Variants in CHAMP1 observed in about 807,000 individuals in gnomAD.
CHAMP1 encodes chromosome alignment maintaining phosphoprotein 1.
Under a neutral mutation model 54.5 loss-of-function variants are expected in CHAMP1, and 4 were observed. The ratio of observed to expected loss-of-function variants is 0.07; its 90% CI spans 0.04 to 0.17. The LOEUF (loss-of-function observed/expected upper bound fraction) is 0.17. Among genes scored for constraint, CHAMP1 ranks in the 10% least tolerant of loss-of-function variants. The probability of loss-of-function intolerance (pLI) is 1.00; values close to 1 mark genes in which losing one functional copy is unlikely to be tolerated. For synonymous variants in CHAMP1, 368 were observed against 342.2 expected, an observed-to-expected ratio of 1.08 and a Z score of -0.83; for missense variants, 994 against 968.6, an observed-to-expected ratio of 1.03 and a Z score of -0.35.
chr13:114,315,591 C>T (rs2087086915), intron 1 of CHAMP1, among the ~76,000 whole-genome samples: 2 of 152,066 alleles, frequency 1.3e-5, no homozygotes, highest in African/African-American at 4.8e-5. Flanking sequence ...TATAAACGAG[C>T]ACATTGAACA....
chr13:114,315,388 A>G (rs1049455043), intron 1 of CHAMP1, among the ~76,000 whole-genome samples: 27 of 152,286 alleles, frequency 1.8e-4, no homozygotes, highest in African/African-American at 1.4e-4. Flanking sequence ...TTATACCCCC[A>G]AAAATTGACA....
intron 2 of CHAMP1, among the ~76,000 whole-genome samples, chr13:114,321,577 T>C (rs2087172978): frequency 6.6e-6 from 1 of 152,174 alleles, no homozygotes; most frequent in Non-Finnish European, 1.5e-5. Context: ...TGCTCTTTAA[T>C]ATTAGCTTGG....
chr13:114,324,221 A>G lies in CHAMP1; in HGVS notation c.379A>G (p.Ile127Val). The change falls in exon 3 of 3, where the codon ATA becomes GTA. Residue 127 changes from isoleucine to valine, a missense_variant. By Grantham distance (29) the Ile-to-Val change is conservative (BLOSUM62 3). This residue lies in a region of CHAMP1 where 851 missense variants were observed against 701.3 expected (regional missense o/e 1.21). Coordinates refer to ENST00000361283, the MANE Select transcript of CHAMP1 (RefSeq NM_032436.4). ...IPCNSAEPKS[I>V]PALSMETQKL... Reference sequence around the variant, plus strand: ...CTGCAATTCAGCAGAACCAAAATCCATACCTGCCCTTTCAATGGAAACACA... The same window carrying G: ...CTGCAATTCAGCAGAACCAAAATCCGTACCTGCCCTTTCAATGGAAACACA... 3 of 1,614,110 alleles carry G rather than the reference A, an allele frequency of 1.9e-6. No homozygotes were observed. The highest frequency in any genetic ancestry group is 2.5e-6 in the Non-Finnish European group (3 of 1,180,016).
chr13:114,321,265 A>AT (rs1324298214), intron 2 of CHAMP1, 33 bp downstream of exon 2: 2 of 151,694 alleles, frequency 1.3e-5, no homozygotes, highest in Non-Finnish European at 2.9e-5. Context: ...GCTTAGGAGA[A>AT]TATTTTATGA....
chr13:114,320,951 G>C (rs2087160697), intron 1 of CHAMP1, among the ~76,000 whole-genome samples, 159 bp from the exon 2 acceptor site: 1 of 143,056 alleles, frequency 7.0e-6, no homozygotes, highest in Non-Finnish European at 1.5e-5. Flanking sequence ...GCAAGACTCT[G>C]TCTCAAAAAA....
At chr13:114,318,857 CTTTTTTTTTTTTTT>C (rs56669844) in intron 1 of CHAMP1, among the ~76,000 whole-genome samples, 14 of 24,156 alleles carry the variant, frequency 5.8e-4, no homozygotes, top group African/African-American at 1.9e-3. Context: ...TCCTGGTTGC[CTTTTTTTTTTTTTT>C]TTTTTTTTTT....
intron 1 of CHAMP1, among the ~76,000 whole-genome samples, chr13:114,316,853 T>C (rs886554473): frequency 6.6e-6 from 1 of 151,480 alleles, no homozygotes; most frequent in African/African-American, 2.4e-5. Flanking sequence ...ACTCAAAAAG[T>C]TTTGGATGTT....
In CHAMP1 at chr13:114,325,425, C is replaced by T; in HGVS notation, c.1583C>T (p.Pro528Leu). ...TCTATCGATACTGAGCCTAGAAAAC[C>T]TGCCCTGTTTCCCGAGCCTGCCAAA... ...VLSIDTEPRK[P>L]ALFPEPAKTA... Residue 528 changes from proline to leucine, a missense_variant, in exon 3 of 3, where the codon CCT (proline) becomes CTT (leucine). By Grantham distance (98) the Pro-to-Leu change is moderately conservative (BLOSUM62 -3). This residue lies in a region of CHAMP1 where 851 missense variants were observed against 701.3 expected (regional missense o/e 1.21). Transcript: ENST00000361283. 2 of 1,614,108 alleles carry T rather than the reference C, an allele frequency of 1.2e-6. No homozygotes were observed. Among genetic ancestry groups the T allele is most frequent in the East Asian group, 2.2e-5 (1 of 44,886 alleles).
Position 114,325,352 on chromosome 13 carries a change from C to T in CHAMP1, c.1510C>T (p.Pro504Ser), listed in dbSNP as rs367684543. The T allele has an allele frequency of 3.1e-6, 5 of 1,614,112 alleles. No homozygotes were observed. Among genetic ancestry groups the T allele is most frequent in the African/African-American group, 2.7e-5 (2 of 75,020 alleles). ...GACCCGAAAACCAGGTCCTTCTGGG[C>T]CATCTGAGTCCCCCAAAGCAGCCTC... ...PETRKPGPSG[P>S]SESPKAASDI... The change falls in exon 3 of 3, where the codon CCA becomes TCA. Residue 504 changes from proline (P) to serine (S), a missense_variant. Pro to Ser is a moderately conservative substitution (Grantham distance 74, BLOSUM62 -1). This residue lies in a region of CHAMP1 where 851 missense variants were observed against 701.3 expected (regional missense o/e 1.21). Transcript: ENST00000361283.
In CHAMP1 at chr13:114,323,876, G is replaced by T. The variant is rs374161591; in HGVS notation, c.34G>T (p.Ala12Ser). ...ATTCCAGGAACTTCGTAAACCATCA[G>T]CACGTTTGGAGTGTGACCATTGCAG... ...EAFQELRKPS[A>S]RLECDHCSFR... Residue 12 changes from alanine (A) to serine (S), a missense_variant, in exon 3 of 3, where the codon GCA (alanine) becomes TCA (serine). Ala to Ser is a moderately conservative substitution (Grantham distance 99, BLOSUM62 1). Transcript: ENST00000361283. 6.2e-7 allele frequency: 1 copy of T among 1,609,292 alleles called. No individual in the cohort carries two copies. The highest frequency in any genetic ancestry group is 8.5e-7 in the Non-Finnish European group (1 of 1,176,610).
intron 1 of CHAMP1, among the ~76,000 whole-genome samples, chr13:114,315,692 G>T (rs934469660): frequency 6.6e-6 from 1 of 152,222 alleles, no homozygotes; most frequent in African/African-American, 2.4e-5. Context: ...TGAAAGTGGA[G>T]AGTGGAAGTT....
intron 1 of CHAMP1, among the ~76,000 whole-genome samples, chr13:114,320,382 C>T (rs1288785666): frequency 1.3e-5 from 2 of 152,154 alleles, no homozygotes; most frequent in Admixed American, 1.3e-4. Flanking sequence ...CTTTTTGTGC[C>T]TCTTGGTCCT....
intron 2 of CHAMP1, 152 bp from the exon 3 acceptor site, chr13:114,323,636 A>AT: frequency 1.7e-6 from 1 of 601,508 alleles, no homozygotes; most frequent in Non-Finnish European, 2.8e-6. Context: ...GGACTGTTCT[A>AT]TATCTCCTTT....
rs151020694 is a variant in CHAMP1 at position 114,324,757 on chromosome 13, C to T, written c.915C>T (p.Pro305=). ...CCCCAGAGCCTAGGAGACCAGCCCC[C>T]GCTGTGTCACCAGGCTCTTGGAAAC... is the stretch of plus-strand genomic sequence containing the variant. ...AVSPEPRRPA[P]AVSPGSWKPG... is the part of the protein sequence containing the mutation. The change falls in exon 3 of 3, where the codon CCC becomes CCT. Residue 305 remains proline, a synonymous_variant. Transcript: ENST00000361283. 536 of 1,614,016 alleles carry T rather than the reference C, an allele frequency of 3.3e-4. 4 individuals carry two copies. In the South Asian group the frequency reaches 4.5e-3, roughly 14 times the overall value.
Position 114,325,177 on chromosome 13 carries a change from A to G in CHAMP1, c.1335A>G (p.Ser445=). 1 of 1,614,154 alleles carries G rather than the reference A, an allele frequency of 6.2e-7. No individual in the cohort carries two copies. Among genetic ancestry groups the G allele is most frequent in the Non-Finnish European group, 8.5e-7 (1 of 1,180,022 alleles). ...GSPELRKPSG[S]PDLWKLSPDQ... is the part of the protein sequence containing the mutation. ...CAGAGCTCAGAAAACCCTCAGGGTC[A>G]CCAGATCTTTGGAAGCTTTCTCCTG... The change falls in exon 3 of 3, where the codon TCA becomes TCG. Residue 445 remains serine (S), a synonymous_variant. Coordinates refer to ENST00000361283, the MANE Select transcript of CHAMP1 (RefSeq NM_032436.4).
chr13:114,317,267 C>T (rs376098754), intron 1 of CHAMP1, among the ~76,000 whole-genome samples: 5 of 152,038 alleles, frequency 3.3e-5, no homozygotes, highest in African/African-American at 9.7e-5. Context: ...TCAAATGATC[C>T]GCCTGCCTTG....
intron 1 of CHAMP1, among the ~76,000 whole-genome samples, chr13:114,315,710 C>G (rs892851622): frequency 6.6e-6 from 1 of 152,092 alleles, no homozygotes; most frequent in South Asian, 2.1e-4. Context: ...GTTACTGTTT[C>G]ATGGGTACAG....
At chr13:114,317,832 C>T (rs1364124266) in intron 1 of CHAMP1, among the ~76,000 whole-genome samples, 1 of 152,098 alleles carries the variant, frequency 6.6e-6, no homozygotes, top group African/African-American at 2.4e-5. Context: ...CACCATCTGG[C>T]ATAACATTGC....
Position 114,325,514 on chromosome 13 carries a change from G to C in CHAMP1, c.1672G>C (p.Ala558Pro). The C allele has an allele frequency of 6.2e-7, 1 of 1,614,102 alleles. No individual in the cohort carries two copies. The highest frequency in any genetic ancestry group is 8.5e-7 in the Non-Finnish European group (1 of 1,180,024). Residue 558 changes from alanine to proline, a missense_variant, in exon 3 of 3, where the codon GCC becomes CCC. By Grantham distance (27) the Ala-to-Pro change is conservative. This residue lies in a region of CHAMP1 where 851 missense variants were observed against 701.3 expected (regional missense o/e 1.21). Transcript: ENST00000361283. The stretch of plus-strand genomic sequence containing the variant: ...CCTTTTTCCAGAGCCCCGGAAGCAT[G>C]CCCTTTTCCCTGAACTCCCCAAATC... ...RALFPEPRKH[A>P]LFPELPKSAL... is the part of the protein sequence containing the mutation.
Sources: gnomAD v4.1 joint callset for allele counts (sites outside exome capture counted in the v4.1 genomes callset) on GRCh38, gnomAD v4.1.1 for gene constraint, gnomAD v4.1.1 regional missense constraint, MANE v1.5 for transcripts, NCBI Gene and HGNC (gene_info 2026-07-23, HGNC 2026-07-21) for gene names.